The following TMEM182 variants were observed in gnomAD, a reference collection of about 807,000 sequenced individuals.
TMEM182 encodes transmembrane protein 182.
Under a neutral mutation model 26.8 loss-of-function variants are expected in TMEM182, and 20 were observed. The ratio of observed to expected loss-of-function variants is 0.75; its 90% confidence interval spans 0.53 to 1.09. TMEM182 has a LOEUF of 1.09. TMEM182 is among the 50% of genes least tolerant of loss of function. The pLI is 0.00. For synonymous variants in TMEM182, 109 were observed against 102.2 expected (o/e 1.07, Z -0.40); for missense variants, 277 against 275.5 (o/e 1.01, Z -0.04).
At chr2:102,740,687 C>T (rs1679516455) in intron 1 of TMEM182, among the ~76,000 whole-genome samples, 1 of 152,156 alleles carries the variant, frequency 6.6e-6, no homozygotes, top group Non-Finnish European at 1.5e-5. Flanking sequence ...CACACCTACC[C>T]TGTGACCCAA....
At chr2:102,820,247 A>G (rs1682892535), downstream of TMEM182, among the ~76,000 whole-genome samples, 1 of 152,202 alleles carries the variant, frequency 6.6e-6, no homozygotes, top group Non-Finnish European at 1.5e-5. Flanking sequence ...AATTTGCCAA[A>G]TCATTCTACT....
chr2:102,767,286 A>C (rs1680491812), intron 3 of TMEM182, among the ~76,000 whole-genome samples: 1 of 152,166 alleles, frequency 6.6e-6, no homozygotes, highest in Non-Finnish European at 1.5e-5. Context: ...TTATCCTCAA[A>C]TCTAGTTATT....
At chr2:102,843,657 G>A (rs1336878953) in exon 4 of TMEM182, 1 of 152,172 alleles carries the variant, frequency 6.6e-6, no homozygotes, top group Non-Finnish European at 1.5e-5. Flanking sequence ...GCTTACATTT[G>A]TGTTTTAATG....
intron 3 of TMEM182, chr2:102,775,180 C>T (rs2732848): frequency 0.55 from 82,879 of 151,866 alleles, 23,243 homozygotes; most frequent in African/African-American, 0.67. Flanking sequence ...CATCAAAAAG[C>T]TTATCCACCA....
intron 3 of TMEM182, among the ~76,000 whole-genome samples, chr2:102,840,501 C>A (rs1281370678): frequency 6.6e-6 from 1 of 152,100 alleles, no homozygotes; most frequent in East Asian, 1.9e-4. Context: ...AATGTAAACA[C>A]CGGCGTTAGT....
intron 4 of TMEM182, among the ~76,000 whole-genome samples, chr2:102,805,882 C>G: frequency 6.6e-6 from 1 of 152,028 alleles, no homozygotes; most frequent in South Asian, 2.1e-4. Flanking sequence ...GTACTCCAGC[C>G]TGGCAGAGCG....
upstream of TMEM182, among the ~76,000 whole-genome samples, chr2:102,757,748 A>G (rs1680087920): frequency 6.6e-6 from 1 of 152,198 alleles, no homozygotes; most frequent in Non-Finnish European, 1.5e-5. Flanking sequence ...GAGACTGGGT[A>G]ATTTATGAAG....
downstream of TMEM182, among the ~76,000 whole-genome samples, chr2:102,821,513 T>A (rs114541753): frequency 4.8e-3 from 731 of 152,284 alleles, 5 homozygotes; most frequent in African/African-American, 0.017. Flanking sequence ...AAAAGTTCCC[T>A]GAGTTCTCCC....
upstream of TMEM182, among the ~76,000 whole-genome samples, chr2:102,757,920 A>C (rs912450077): frequency 6.6e-6 from 1 of 152,180 alleles, no homozygotes; most frequent in African/African-American, 2.4e-5. Flanking sequence ...TACACACTTT[A>C]AAACTATCAG....
chr2:102,744,198 C>T (rs1488114234), intron 1 of TMEM182, among the ~76,000 whole-genome samples: 3 of 152,034 alleles, frequency 2.0e-5, no homozygotes, highest in Non-Finnish European at 4.4e-5. Flanking sequence ...AGAATAGAAA[C>T]AATAAAAACT....
intron 4 of TMEM182, among the ~76,000 whole-genome samples, chr2:102,803,000 G>A (rs934475712): frequency 5.3e-5 from 8 of 152,212 alleles, no homozygotes; most frequent in African/African-American, 1.9e-4. Context: ...CTTGGACTAA[G>A]TCCCTTGTTA....
At position 102,798,013 on chromosome 2, in the gene TMEM182, C is replaced by T. The variant is rs770817933; in HGVS notation, c.469+13C>T. ...TATATTGCTGCAGGTACGTACGGTG[C>T]AATGGGTATGACTTTCAGCCACGGT... On this transcript the variant is annotated intron_variant, in intron 4 of 4. Transcript: ENST00000412401. 7 of 1,599,824 alleles carry T rather than the reference C, an allele frequency of 4.4e-6. No homozygotes were observed.
chr2:102,774,922 T>G (rs2104683808), intron 3 of TMEM182, among the ~76,000 whole-genome samples: 1 of 152,342 alleles, frequency 6.6e-6, no homozygotes, highest in East Asian at 1.9e-4. Context: ...TTAAAAAAAT[T>G]GTTTTACTTA....
intron 4 of TMEM182, among the ~76,000 whole-genome samples, chr2:102,798,770 G>A (rs1452946779): frequency 6.6e-6 from 1 of 152,132 alleles, no homozygotes; most frequent in African/African-American, 2.4e-5. Context: ...GAACTCGGGA[G>A]GCGGAGGTTG....
At position 102,762,103 on chromosome 2, in the gene TMEM182, C is replaced by A; in HGVS notation, c.-115C>A. ...GGACAGCCTTCTCAAGAAGATTCTG[C>A]CAACTCAAAAATATTATTCTTTTTT... On this transcript the variant is annotated 5_prime_UTR_variant, in exon 1 of 5. Coordinates refer to ENST00000412401, the MANE Select transcript of TMEM182 (RefSeq NM_144632.5). 2.1e-6 allele frequency: 2 copies of A among 934,950 alleles called. No individual in the cohort carries two copies. The highest frequency in any genetic ancestry group is 3.1e-6 in the Non-Finnish European group (2 of 645,114). The allele number at this position is 934,950 out of a possible 1,614,324, so 57.9% of individuals were successfully genotyped here.
At chr2:102,761,900 A>G, upstream of TMEM182, 2 of 264,794 alleles carry the variant, frequency 7.6e-6, no homozygotes, top group South Asian at 4.2e-5. Flanking sequence ...ACTTCTCTCT[A>G]TAGTCAAGAG....
Position 102,814,927 on chromosome 2 carries a change from C to T in TMEM182, c.649C>T (p.Leu217=), listed in dbSNP as rs1298985673. The T allele has an allele frequency of 1.2e-6, 2 of 1,613,822 alleles. No individual in the cohort carries two copies. Among genetic ancestry groups the T allele is most frequent in the Non-Finnish European group, 1.7e-6 (2 of 1,179,976 alleles). ...GIFFSLLAGL[L]FLVVGWHIQI... ...ATTTTTTTCTTTGCTAGCTGGATTACTATTTCTGGTTGTTGGATGGCATAT... is the reference window on the plus strand; with the variant it reads ...ATTTTTTTCTTTGCTAGCTGGATTATTATTTCTGGTTGTTGGATGGCATAT... The change falls in exon 5 of 5, where the codon CTA becomes TTA. Residue 217 remains leucine (L), a synonymous_variant. Transcript: ENST00000412401.
chr2:102,763,846 A>G (rs958090346), intron 2 of TMEM182, among the ~76,000 whole-genome samples: 10 of 152,198 alleles, frequency 6.6e-5, no homozygotes, highest in Admixed American at 4.6e-4. Context: ...AAATATTAAA[A>G]ATTTATTTGA....
intron 3 of TMEM182, among the ~76,000 whole-genome samples, chr2:102,791,499 C>T (rs1275362209): frequency 6.6e-6 from 1 of 152,180 alleles, no homozygotes; most frequent in Non-Finnish European, 1.5e-5. Context: ...ATTTATACAA[C>T]ATCTGTTGTT....
Sources: allele counts gnomAD v4.1 joint callset (sites outside exome capture counted in the v4.1 genomes callset), GRCh38; gene constraint gnomAD v4.1.1; transcripts MANE v1.5; gene names NCBI Gene and HGNC (gene_info 2026-07-23, HGNC 2026-07-21).